Variants in SBNO1 observed in about 807,000 individuals in gnomAD.
SBNO1 encodes strawberry notch homolog 1, also known as protein strawberry notch homolog 1.
In SBNO1, 23 loss-of-function variants were observed where a neutral mutation model predicts 173.6. The ratio of observed to expected loss-of-function variants is 0.13; its 90% CI spans 0.10 to 0.19. The LOEUF (loss-of-function observed/expected upper bound fraction) is 0.19. Among genes scored for constraint, SBNO1 ranks in the 10% least tolerant of loss-of-function variants. SBNO1 has a pLI of 1.00. For missense variants in SBNO1, 1,238 were observed against 1,671.2 expected, an observed-to-expected ratio of 0.74 and a Z score of 4.52; for synonymous variants, 632 against 571.5, an observed-to-expected ratio of 1.11 and a Z score of -1.51.
chr12:123,350,496 A>G, intron 1 of SBNO1, 55 bp from the exon 2 acceptor site: 1 of 1,347,264 alleles, frequency 7.4e-7, no homozygotes, highest in Middle Eastern at 1.8e-4. Context: ...ACAAATATTA[A>G]CTCCCCTCTA....
At chr12:123,328,333 A>G (rs1284848480) in intron 10 of SBNO1, among the ~76,000 whole-genome samples, 1 of 152,184 alleles carries the variant, frequency 6.6e-6, no homozygotes, top group East Asian at 1.9e-4. Context: ...TTGGTAACCA[A>G]CTTAATCAGC....
At chr12:123,307,998 G>A (rs2048962971) in intron 28 of SBNO1, among the ~76,000 whole-genome samples, 1 of 152,092 alleles carries the variant, frequency 6.6e-6, no homozygotes, top group Admixed American at 6.6e-5. Flanking sequence ...CTTGAACCTG[G>A]GAGGCGGAGG....
intron 20 of SBNO1, 41 bp downstream of exon 20, chr12:123,319,859 G>C: frequency 6.3e-7 from 1 of 1,577,720 alleles, no homozygotes; most frequent in South Asian, 1.1e-5. Context: ...AAATATACAG[G>C]CATTGTTCTT....
Position 123,295,694 on chromosome 12 carries a change from G to C in SBNO1, c.*214C>G. 2 of 556,338 alleles carry C rather than the reference G, an allele frequency of 3.6e-6. No individual in the cohort carries two copies. The highest frequency in any genetic ancestry group is 6.4e-6 in the Non-Finnish European group (2 of 312,464). The allele number at this position is 556,338 out of a possible 1,614,324, so 34.5% of individuals were successfully genotyped here. The stretch of plus-strand genomic sequence containing the variant: ...GTAAAAGCAGATGGGAATTATCAGG[G>C]GAGAAGCTAAAGGAAAGACATATGT... On this transcript the variant is annotated 3_prime_UTR_variant, in exon 32 of 32. Transcript: ENST00000602398.
intron 1 of SBNO1, chr12:123,364,200 G>A (rs1228292393): frequency 6.1e-6 from 6 of 985,550 alleles, no homozygotes; most frequent in African/African-American, 3.5e-5. Context: ...TTCAGATTTA[G>A]GAAGGACGAC....
In SBNO1 at chr12:123,333,927, T is replaced by C. The variant is rs150401577; in HGVS notation, c.909+126A>G. 988 of 600,820 alleles carry C rather than the reference T, an allele frequency of 1.6e-3. 25 individuals are homozygous for C. The East Asian group carries it at 0.032, about 20-fold the overall frequency. 37.2% of individuals were successfully genotyped at this position (600,820 alleles called of 1,614,324 possible). ...TTCTAAAATTTAATTTTCCAACACA[T>C]TAAACTTTCATAAATATTACATTTA... On this transcript the variant is annotated intron_variant, in intron 7 of 31. Coordinates refer to ENST00000602398, the MANE Select transcript of SBNO1 (RefSeq NM_001167856.3).
Position 123,315,672 on chromosome 12 carries a change from T to C in SBNO1, c.2936-12A>G, listed in dbSNP as rs763398646. The C allele has an allele frequency of 1.1e-5, 16 of 1,520,510 alleles. No homozygotes were observed. The highest frequency in any genetic ancestry group is 1.7e-4 in the Middle Eastern group (1 of 5,900). 94.2% of individuals were successfully genotyped at this position (1,520,510 alleles called of 1,614,324 possible). On this transcript the variant is annotated splice_polypyrimidine_tract_variant and intron_variant, in intron 21 of 31. Coordinates refer to ENST00000602398, the MANE Select transcript of SBNO1 (RefSeq NM_001167856.3). ...TCTATGAGTACGTCCTGCAACGAAA[T>C]TTTGTTTTAAAGATCATTGATTGTG...
intron 20 of SBNO1, 45 bp downstream of exon 20, chr12:123,319,855 A>G (rs769182878): frequency 2.6e-6 from 4 of 1,560,482 alleles, no homozygotes; most frequent in Non-Finnish European, 3.5e-6. Context: ...ATCTAAATAT[A>G]CAGGCATTGT....
chr12:123,322,460 G>T (rs1290430870), intron 16 of SBNO1, among the ~76,000 whole-genome samples: 1 of 152,110 alleles, frequency 6.6e-6, no homozygotes, highest in Admixed American at 6.6e-5. Flanking sequence ...GCCAGTCCTG[G>T]CTAAGTTTTT....
At position 123,296,853 on chromosome 12, in the gene SBNO1, C is replaced by T. The variant is rs965876769; in HGVS notation, c.4040-803G>A. Among the ~76,000 whole-genome samples the T allele has an allele frequency of 7.3e-5, 11 of 150,998 alleles. No homozygotes were observed. The East Asian group carries it at 2.0e-3, about 28-fold the overall frequency. ...GGATTATAGGTGTGAGCCACCGTGC[C>T]CGGCCCTATTTGTTTTTTTTTTAAA... On this transcript the variant is annotated intron_variant, in intron 31 of 31. Coordinates refer to ENST00000602398, the MANE Select transcript of SBNO1 (RefSeq NM_001167856.3).
In SBNO1 at chr12:123,325,483, A is replaced by G. The variant is rs1230935032; in HGVS notation, c.1973+19T>C. ...GAACTCAAAAAGAAACAAAAACATT[A>G]AAAGAACAAAAACATTACTTGGCAG... On this transcript the variant is annotated intron_variant, in intron 15 of 31. Transcript: ENST00000602398. The G allele has an allele frequency of 1.2e-5, 18 of 1,554,088 alleles. No individual in the cohort carries two copies. Among genetic ancestry groups the G allele is most frequent in the Middle Eastern group, 1.7e-4 (1 of 5,974 alleles).
chr12:123,359,620 G>A (rs1051397340), intron 1 of SBNO1, among the ~76,000 whole-genome samples: 4 of 151,482 alleles, frequency 2.6e-5, no homozygotes, highest in South Asian at 2.1e-4. Flanking sequence ...AATGTAAACC[G>A]CATTTCTTAC....
At chr12:123,350,475 A>T in intron 1 of SBNO1, 34 bp from the exon 2 acceptor site, 5 of 1,540,580 alleles carry the variant, frequency 3.2e-6, no homozygotes, top group Non-Finnish European at 4.5e-6. Flanking sequence ...TAACATAAAA[A>T]ACAAAAAGTG....
intron 1 of SBNO1, among the ~76,000 whole-genome samples, chr12:123,358,050 G>C (rs1162988421): frequency 1.3e-5 from 2 of 152,178 alleles, no homozygotes; most frequent in East Asian, 3.9e-4. Context: ...CTTGGAACCA[G>C]AAGTGACTCA....
At chr12:123,334,338 AG>A (rs1347887132) in intron 6 of SBNO1, 125 bp from the exon 7 acceptor site, 16 of 635,346 alleles carry the variant, frequency 2.5e-5, no homozygotes, top group Non-Finnish European at 4.0e-5. Flanking sequence ...ATTCACTCTG[AG>A]CTTCCATAAA....
Position 123,323,849 on chromosome 12 carries a change from T to A in SBNO1, c.1974-18A>T, listed in dbSNP as rs1333977618. 8 of 1,556,582 alleles carry A rather than the reference T, an allele frequency of 5.1e-6. No individual in the cohort carries two copies. The East Asian group carries it at 1.9e-4, about 36-fold the overall frequency. On this transcript the variant is annotated intron_variant, in intron 15 of 31. Coordinates refer to ENST00000602398, the MANE Select transcript of SBNO1 (RefSeq NM_001167856.3). ...ACACACCTCTGTAGGAGAGAAACAGTGACAATTACTGCTTCAGTTGACAAA... is the reference window on the plus strand; with the variant it reads ...ACACACCTCTGTAGGAGAGAAACAGAGACAATTACTGCTTCAGTTGACAAA...
Position 123,302,853 on chromosome 12 carries a change from T to C in SBNO1, c.3816A>G (p.Ser1272=), listed in dbSNP as rs529857112. 3.1e-6 allele frequency: 5 copies of C among 1,613,640 alleles called. No homozygotes were observed. In the African/African-American group the frequency reaches 5.3e-5, roughly 17 times the overall value. ...ALMHWLDQYN[S]SADTCTHAYW... Reference sequence around the variant, plus strand: ...AAGCATGAGTACAAGTATCTGCAGATGAATTATACTGATCTAACCAGTGCA... The same window carrying C: ...AAGCATGAGTACAAGTATCTGCAGACGAATTATACTGATCTAACCAGTGCA... The change falls in exon 30 of 32, where the codon TCA becomes TCG. Residue 1272 remains serine, a synonymous_variant. Transcript: ENST00000602398.
chr12:123,340,581 C>CAAAAA (rs752794679), intron 5 of SBNO1, among the ~76,000 whole-genome samples: 21 of 46,788 alleles, frequency 4.5e-4, no homozygotes, highest in Non-Finnish European at 5.2e-4. Flanking sequence ...GACTCTGTCT[C>CAAAAA]AAAAAAAAAA....
chr12:123,348,482 C>T (rs1264983497), intron 2 of SBNO1, among the ~76,000 whole-genome samples: 1 of 151,580 alleles, frequency 6.6e-6, no homozygotes, highest in Non-Finnish European at 1.5e-5. Flanking sequence ...ATTAGCTGGG[C>T]TTGGCCAGGC....
Sources: gnomAD v4.1 joint callset for allele counts (sites outside exome capture counted in the v4.1 genomes callset) on GRCh38, gnomAD v4.1.1 for gene constraint, MANE v1.5 for transcripts, NCBI Gene and HGNC (gene_info 2026-07-23, HGNC 2026-07-21) for gene names.